Variants in DOT1L observed in about 807,000 individuals in gnomAD.
DOT1L encodes histone-lysine N-methyltransferase, H3 lysine-79 specific.
In DOT1L, 33 loss-of-function variants were observed where a neutral mutation model predicts 153.3. The observed-to-expected ratio is 0.22, with a 90% CI of 0.16 to 0.29. The LOEUF (loss-of-function observed/expected upper bound fraction) is 0.29, where lower values mean the gene tolerates loss of function less well. Ranked by LOEUF, DOT1L falls within the 10% of genes least tolerant of loss-of-function variation. DOT1L has a pLI of 1.00. For synonymous variants in DOT1L, 1,135 were observed against 965.1 expected (o/e 1.18, Z -3.26); for missense variants, 1,847 against 2,119.9 (o/e 0.87, Z 2.53).
At chr19:2,187,605 A>G (rs1338350559) in intron 3 of DOT1L, among the ~76,000 whole-genome samples, 1 of 152,198 alleles carries the variant, frequency 6.6e-6, no homozygotes, top group East Asian at 1.9e-4. Flanking sequence ...TCTGGTTGTC[A>G]GGGTTGAAGG....
intron 1 of DOT1L, among the ~76,000 whole-genome samples, chr19:2,174,228 C>T (rs1233203655): frequency 6.6e-6 from 1 of 152,242 alleles, no homozygotes; most frequent in East Asian, 1.9e-4. Context: ...CCGTCTTCCT[C>T]CTGTGGAGGT....
intron 5 of DOT1L, among the ~76,000 whole-genome samples, chr19:2,192,320 C>T (rs1003557068): frequency 2.6e-5 from 4 of 152,152 alleles, no homozygotes; most frequent in African/African-American, 4.8e-5. Flanking sequence ...TAGCAAGATC[C>T]CACTTCTGTT....
chr19:2,180,664 C>G (rs374870345), intron 1 of DOT1L, 49 bp from the exon 2 acceptor site: 2 of 1,609,752 alleles, frequency 1.2e-6, no homozygotes, highest in African/African-American at 1.3e-5. Flanking sequence ...GCGATGGGCT[C>G]ACGGGGTGGA....
chr19:2,166,915 C>G (rs539073688), intron 1 of DOT1L, among the ~76,000 whole-genome samples: 2 of 152,320 alleles, frequency 1.3e-5, no homozygotes, highest in South Asian at 4.1e-4. Context: ...CCTGGCCTTA[C>G]CTGTAGTTCT....
chr19:2,214,688 C>T, intron 19 of DOT1L, 92 bp downstream of exon 19: 2 of 1,513,492 alleles, frequency 1.3e-6, no homozygotes, highest in East Asian at 2.4e-5. Flanking sequence ...GTTGCGGTTG[C>T]AGCAGCCTAG....
At chr19:2,164,806 T>C (rs2019847038) in intron 1 of DOT1L, among the ~76,000 whole-genome samples, 1 of 152,012 alleles carries the variant, frequency 6.6e-6, no homozygotes, top group African/African-American at 2.4e-5. Flanking sequence ...AAATGGGGAA[T>C]TTTTGTCCCC....
chr19:2,211,229 C>T lies in DOT1L; in HGVS notation c.1465+17C>T, dbSNP rs370012696. On this transcript the variant is annotated intron_variant, in intron 15 of 27. Coordinates refer to ENST00000398665, the MANE Select transcript of DOT1L (RefSeq NM_032482.3). ...AGCTTCTAGGTGAGCCCGTGTGAGGCGTCCGGCGAAGGGTTCTGGGCTTGG... is the reference window on the plus strand; with the variant it reads ...AGCTTCTAGGTGAGCCCGTGTGAGGTGTCCGGCGAAGGGTTCTGGGCTTGG... The T allele has an allele frequency of 5.1e-5, 81 of 1,585,622 alleles. 2 individuals are homozygous for T. In the South Asian group the frequency reaches 7.8e-4, roughly 15 times the overall value.
At chr19:2,182,249 T>G (rs1413641791) in intron 2 of DOT1L, among the ~76,000 whole-genome samples, 1 of 151,070 alleles carries the variant, frequency 6.6e-6, no homozygotes. Flanking sequence ...AATAAATAAA[T>G]AAATAATGCT....
rs774224871 is a variant in DOT1L, at chr19:2,222,366, C to T, written c.3197C>T (p.Pro1066Leu). 2.5e-6 allele frequency: 4 copies of T among 1,612,040 alleles called. No homozygotes were observed. Among genetic ancestry groups the T allele is most frequent in the African/African-American group, 1.3e-5 (1 of 74,916 alleles). Residue 1066 changes from proline to leucine, a missense_variant, in exon 24 of 28, where the codon CCC (proline) becomes CTC (leucine). Pro to Leu is a moderately conservative substitution (Grantham distance 98). Coordinates refer to ENST00000398665, the MANE Select transcript of DOT1L (RefSeq NM_032482.3). The surrounding 1 kb of genome is among the most constrained non-coding windows in gnomAD (Gnocchi z 6.5). The part of the protein sequence containing the change: ...AKQSPSSKHS[P>L]LTASARGDCV... ...CAGTCGCCCTCCAGCAAGCACAGCCCCCTGACCGCCAGCGCCCGTGGGGAC... is the reference window on the plus strand; with the variant it reads ...CAGTCGCCCTCCAGCAAGCACAGCCTCCTGACCGCCAGCGCCCGTGGGGAC...
intron 5 of DOT1L, among the ~76,000 whole-genome samples, chr19:2,192,583 G>T (rs1183111991): frequency 6.6e-6 from 1 of 151,290 alleles, no homozygotes; most frequent in Non-Finnish European, 1.5e-5. Context: ...TGAGGCAGGG[G>T]AATTGCTTGA....
chr19:2,186,068 C>T, intron 3 of DOT1L, 139 bp downstream of exon 3: 1 of 800,182 alleles, frequency 1.2e-6, no homozygotes, highest in Non-Finnish European at 2.1e-6. Context: ...TGGCCGTGGC[C>T]ACCATAAAGT....
At chr19:2,188,853 C>T (rs1212349206) in intron 3 of DOT1L, among the ~76,000 whole-genome samples, 2 of 152,210 alleles carry the variant, frequency 1.3e-5, no homozygotes, top group South Asian at 2.1e-4. Context: ...TTGCCCCCAC[C>T]CCGGAAGCCC....
chr19:2,228,186 C>CCCT, intron 27 of DOT1L: 1 of 1,365,378 alleles, frequency 7.3e-7, no homozygotes, highest in Non-Finnish European at 9.8e-7. Context: ...GGGCGCCCGC[C>CCCT]CCTCCTTCAC....
At chr19:2,174,924 A>C (rs1178636116) in intron 1 of DOT1L, among the ~76,000 whole-genome samples, 2 of 150,154 alleles carry the variant, frequency 1.3e-5, no homozygotes, top group Admixed American at 1.3e-4. Context: ...GGCATAAGCC[A>C]TTATGTCTGA....
At chr19:2,167,443 A>G (rs1400647056) in intron 1 of DOT1L, among the ~76,000 whole-genome samples, 1 of 152,186 alleles carries the variant, frequency 6.6e-6, no homozygotes, top group Admixed American at 6.5e-5. Flanking sequence ...CATTGTAAAT[A>G]GTAAGGGCGA....
At chr19:2,210,595 C>T in intron 13 of DOT1L, 26 bp from the exon 14 acceptor site, 1 of 1,607,698 alleles carries the variant, frequency 6.2e-7, no homozygotes, top group Admixed American at 1.7e-5. Flanking sequence ...CTGTGCCCAT[C>T]CCTGTTCTTC....
Position 2,210,774 on chromosome 19 carries a change from C to T in DOT1L, c.1270C>T (p.Arg424Trp), listed in dbSNP as rs745490701. The change falls in exon 14 of 28, where the codon CGG becomes TGG. Residue 424 changes from arginine to tryptophan, a missense_variant. Transcript: ENST00000398665. Reference sequence around the variant, plus strand: ...GAAGATGAACACTGCGAACCCCGAGCGGAAGCCCAAGAAGAACCAAACTGC... The same window carrying T: ...GAAGATGAACACTGCGAACCCCGAGTGGAAGCCCAAGAAGAACCAAACTGC... ...PKKMNTANPERKPKKNQTALD... is the reference protein window; with the variant it reads ...PKKMNTANPEWKPKKNQTALD... The T allele has an allele frequency of 1.7e-5, 28 of 1,612,940 alleles. No individual in the cohort carries two copies. Among genetic ancestry groups the T allele is most frequent in the East Asian group, 6.7e-5 (3 of 44,870 alleles).
intron 17 of DOT1L, 64 bp from the exon 18 acceptor site, chr19:2,213,785 G>A (rs1211413454): frequency 1.9e-6 from 3 of 1,608,642 alleles, no homozygotes; most frequent in South Asian, 1.1e-5. Context: ...GGGTGGTCAT[G>A]CCTGGGGGCT....
intron 1 of DOT1L, among the ~76,000 whole-genome samples, chr19:2,179,668 G>T (rs369678273): frequency 6.6e-6 from 1 of 152,114 alleles, no homozygotes; most frequent in Non-Finnish European, 1.5e-5. Context: ...TTAGCCAGGC[G>T]TGGTGGCTCA....
Sources: allele counts gnomAD v4.1 joint callset (sites outside exome capture counted in the v4.1 genomes callset), GRCh38; gene constraint gnomAD v4.1.1; non-coding constraint Gnocchi (gnomAD v3.1); transcripts MANE v1.5; gene names NCBI Gene and HGNC (gene_info 2026-07-23, HGNC 2026-07-21).